The following SLC24A2 variants were observed in gnomAD, a reference collection of about 807,000 sequenced individuals.
SLC24A2 encodes the protein sodium/potassium/calcium exchanger 2.
Under a neutral mutation model 62.0 loss-of-function variants are expected in SLC24A2, and 36 were observed. The observed-to-expected ratio is 0.58, with a 90% confidence interval of 0.44 to 0.77. The LOEUF (loss-of-function observed/expected upper bound fraction) is 0.77, where lower values mean the gene tolerates loss of function less well. SLC24A2 is among the 30% of genes least tolerant of loss of function. The pLI is 0.00. For missense variants in SLC24A2, 846 were observed against 817.9 expected (o/e 1.03, Z -0.42); for synonymous variants, 358 against 294.0 (o/e 1.22, Z -2.23).
chr9:19,596,618 A>T (rs1244114728), intron 5 of SLC24A2, among the ~76,000 whole-genome samples: 2 of 152,176 alleles, frequency 1.3e-5, no homozygotes, highest in Admixed American at 6.5e-5. Flanking sequence ...AATGGTTAAA[A>T]TGATATGCCT....
At chr9:20,200,199 G>A in the SLC24A2 span, among the ~76,000 whole-genome samples, 1 of 151,764 alleles carries the variant, frequency 6.6e-6, no homozygotes, top group East Asian at 1.9e-4. Context: ...ATTCCACAGA[G>A]TAGCCTCTGG....
chr9:19,777,040 T>TAAAACA (rs762952170), intron 2 of SLC24A2, among the ~76,000 whole-genome samples: 4 of 152,140 alleles, frequency 2.6e-5, no homozygotes, highest in Non-Finnish European at 4.4e-5. Context: ...ATTCTCCCAT[T>TAAAACA]AAAACAAAAA....
chr9:19,622,933 T>A (rs1817945138), intron 2 of SLC24A2, among the ~76,000 whole-genome samples: 1 of 152,184 alleles, frequency 6.6e-6, no homozygotes. Flanking sequence ...GGAAATCAGA[T>A]AACCCATCTT....
chr9:20,209,404 C>T, the SLC24A2 span, among the ~76,000 whole-genome samples: 1 of 152,174 alleles, frequency 6.6e-6, no homozygotes, highest in East Asian at 1.9e-4. Flanking sequence ...TTGCTCATAA[C>T]CTCTGTGTCC....
the SLC24A2 span, among the ~76,000 whole-genome samples, chr9:19,959,183 G>T: frequency 6.6e-6 from 1 of 152,190 alleles, no homozygotes; most frequent in Non-Finnish European, 1.5e-5. Flanking sequence ...CAGTGATGAG[G>T]GAGAAGGTGG....
intron 2 of SLC24A2, among the ~76,000 whole-genome samples, chr9:19,657,711 C>T (rs1434008462): frequency 6.6e-6 from 1 of 152,128 alleles, no homozygotes; most frequent in Non-Finnish European, 1.5e-5. Flanking sequence ...CACTGCAGAA[C>T]CCTCAGTCTT....
the SLC24A2 span, among the ~76,000 whole-genome samples, chr9:19,829,181 C>T: frequency 6.6e-6 from 1 of 152,140 alleles, no homozygotes; most frequent in African/African-American, 2.4e-5. Flanking sequence ...TTGCATAGCT[C>T]TTGTTTCTCT....
chr9:20,233,943 T>A, the SLC24A2 span, among the ~76,000 whole-genome samples: 196 of 152,318 alleles, frequency 1.3e-3, no homozygotes, highest in African/African-American at 1.6e-3. Context: ...ATCTCTCAGC[T>A]TTTGCTTGTC....
chr9:19,715,579 C>G (rs1820835166), intron 2 of SLC24A2, among the ~76,000 whole-genome samples: 1 of 152,156 alleles, frequency 6.6e-6, no homozygotes, highest in Non-Finnish European at 1.5e-5. Context: ...TATTTTTCTA[C>G]AAGACCACTC....
intron 2 of SLC24A2, among the ~76,000 whole-genome samples, chr9:19,709,500 C>A (rs974391785): frequency 8.6e-5 from 13 of 151,910 alleles, no homozygotes; most frequent in Admixed American, 3.9e-4. Context: ...GACTTGGAAC[C>A]AACCCAAATG....
chr9:19,932,260 A>T, the SLC24A2 span, among the ~76,000 whole-genome samples: 8 of 152,214 alleles, frequency 5.3e-5, no homozygotes, highest in South Asian at 4.1e-4. Flanking sequence ...TGTTGGGTAG[A>T]GATGAAAGCT....
chr9:19,542,073 G>A (rs1169042999), intron 8 of SLC24A2, among the ~76,000 whole-genome samples: 6 of 152,156 alleles, frequency 3.9e-5, no homozygotes, highest in East Asian at 3.9e-4. Context: ...CTCGCGCACG[G>A]TGCACGCACA....
chr9:19,550,354 A>G (rs1476759494), intron 7 of SLC24A2, 86 bp from the exon 8 acceptor site: 1 of 1,389,370 alleles, frequency 7.2e-7, no homozygotes, highest in Non-Finnish European at 1.0e-6. Flanking sequence ...ACAAAGGGGA[A>G]GCTCCATGTC....
the SLC24A2 span, among the ~76,000 whole-genome samples, chr9:19,981,352 G>T: frequency 6.6e-6 from 1 of 152,082 alleles, no homozygotes; most frequent in African/African-American, 2.4e-5. Flanking sequence ...TGACTCCAAG[G>T]TTCTACTAAT....
intron 7 of SLC24A2, among the ~76,000 whole-genome samples, chr9:19,555,177 ATTATC>A (rs200870308): frequency 5.4e-4 from 82 of 152,042 alleles, no homozygotes; most frequent in African/African-American, 1.9e-3. Flanking sequence ...TAAAAAAAAA[ATTATC>A]TTATTCAAGC....
chr9:20,084,072 G>C, the SLC24A2 span, among the ~76,000 whole-genome samples: 1 of 152,218 alleles, frequency 6.6e-6, no homozygotes, highest in African/African-American at 2.4e-5. Context: ...TTAGGCAGCA[G>C]ATCTTGGCTT....
At chr9:19,838,181 G>A in the SLC24A2 span, among the ~76,000 whole-genome samples, 1 of 152,072 alleles carries the variant, frequency 6.6e-6, no homozygotes, top group African/African-American at 2.4e-5. Context: ...CTACAAGGCT[G>A]CAGTAACCAA....
chr9:19,859,492 C>G, the SLC24A2 span, among the ~76,000 whole-genome samples: 4 of 151,980 alleles, frequency 2.6e-5, no homozygotes, highest in African/African-American at 9.7e-5. Context: ...ATCCCTGAAC[C>G]TAAAATAAAT....
chr9:20,162,110 C>A, the SLC24A2 span, among the ~76,000 whole-genome samples: 1 of 151,660 alleles, frequency 6.6e-6, no homozygotes, highest in East Asian at 1.9e-4. Flanking sequence ...GTAACTCAAA[C>A]TTGGCATTGT....
Sources: allele counts gnomAD v4.1 joint callset (sites outside exome capture counted in the v4.1 genomes callset), GRCh38; gene constraint gnomAD v4.1.1; transcripts MANE v1.5; gene names NCBI Gene and HGNC (gene_info 2026-07-23, HGNC 2026-07-21).